The following FBXL17 variants were observed in gnomAD, a reference collection of about 807,000 sequenced individuals.
FBXL17 encodes F-box/LRR-repeat protein 17.
FBXL17 carries 22 observed loss-of-function variants against 66.2 expected under a neutral mutation model. The ratio of observed to expected loss-of-function variants is 0.33; its 90% CI spans 0.24 to 0.47. The LOEUF (loss-of-function observed/expected upper bound fraction) is 0.47. Ranked by LOEUF, FBXL17 falls within the 20% of genes least tolerant of loss-of-function variation. The probability of loss-of-function intolerance (pLI) is 1.00; values close to 1 mark genes in which losing one functional copy is unlikely to be tolerated. For missense variants in FBXL17, 878 were observed against 948.2 expected (o/e 0.93, Z 0.97); for synonymous variants, 474 against 400.5 (o/e 1.18, Z -2.19).
At chr5:108,108,788 T>G (rs902483832) in intron 6 of FBXL17, among the ~76,000 whole-genome samples, 28 of 149,996 alleles carry the variant, frequency 1.9e-4, no homozygotes, top group Non-Finnish European at 3.4e-4. Flanking sequence ...TTGTTTTTGT[T>G]TTTTTTTTTT....
At chr5:108,130,416 C>T (rs905929855) in intron 6 of FBXL17, among the ~76,000 whole-genome samples, 3 of 151,894 alleles carry the variant, frequency 2.0e-5, no homozygotes, top group Admixed American at 1.3e-4. Flanking sequence ...AATTTTAGGA[C>T]ATGCCTCTAA....
chr5:107,945,156 A>C (rs1751240589), intron 7 of FBXL17, among the ~76,000 whole-genome samples: 2 of 152,112 alleles, frequency 1.3e-5, no homozygotes, highest in Admixed American at 1.3e-4. Flanking sequence ...ACACATACCT[A>C]AAAAGGCTCT....
chr5:108,014,906 A>C (rs1754322022), intron 7 of FBXL17, among the ~76,000 whole-genome samples: 1 of 152,184 alleles, frequency 6.6e-6, no homozygotes, highest in Non-Finnish European at 1.5e-5. Context: ...AGCCAAATGA[A>C]CAGGGGAAAC....
At chr5:108,010,062 A>G (rs1754118572) in intron 7 of FBXL17, among the ~76,000 whole-genome samples, 1 of 152,198 alleles carries the variant, frequency 6.6e-6, no homozygotes, top group Non-Finnish European at 1.5e-5. Flanking sequence ...AGTATTTTTC[A>G]AACTTCTGGT....
chr5:108,297,275 A>T (rs1378766908), intron 4 of FBXL17, among the ~76,000 whole-genome samples: 1 of 151,728 alleles, frequency 6.6e-6, no homozygotes, highest in African/African-American at 2.4e-5. Context: ...CTACAACAGT[A>T]AAGGCATTCT....
chr5:107,864,269 G>T (rs1006639407), intron 8 of FBXL17, among the ~76,000 whole-genome samples: 1 of 152,110 alleles, frequency 6.6e-6, no homozygotes, highest in Admixed American at 6.5e-5. Flanking sequence ...ATTCTCTATA[G>T]CATTAATCAA....
At chr5:108,111,189 T>C (rs1238357838) in intron 6 of FBXL17, among the ~76,000 whole-genome samples, 1 of 151,630 alleles carries the variant, frequency 6.6e-6, no homozygotes, top group Non-Finnish European at 1.5e-5. Context: ...GACCCTGCTT[T>C]TCAAAACATG....
At chr5:107,919,100 G>A (rs867749953) in intron 7 of FBXL17, among the ~76,000 whole-genome samples, 1 of 152,030 alleles carries the variant, frequency 6.6e-6, no homozygotes, top group African/African-American at 2.4e-5. Context: ...TCTTTTTAAA[G>A]ACAGATAAAC....
rs527448418 is a variant in FBXL17, at chr5:107,982,027, C to T, written c.1822+38898G>A. Among the ~76,000 whole-genome samples the T allele has an allele frequency of 7.2e-5, 11 of 152,152 alleles. No homozygotes were observed. The East Asian group carries it at 1.2e-3, about 16-fold the overall frequency. On this transcript the variant is annotated intron_variant, in intron 7 of 8. Coordinates refer to ENST00000542267, the MANE Select transcript of FBXL17 (RefSeq NM_001163315.3). ...ACTGTGCAGCATTTCTAATATAATA[C>T]GGAGTCTCAAAGAGTAGGGACCTAA...
chr5:108,301,972 A>C (rs942584595), intron 4 of FBXL17: 54 of 966,072 alleles, frequency 5.6e-5, no homozygotes, highest in Non-Finnish European at 6.3e-5. Context: ...AATTTTAAGA[A>C]TACCTCCTAG....
At chr5:107,879,549 C>T (rs925628069) in intron 8 of FBXL17, 2 of 985,194 alleles carry the variant, frequency 2.0e-6, no homozygotes, top group African/African-American at 3.5e-5. Flanking sequence ...AACTAGCTGG[C>T]AAAGGTCTCG....
chr5:108,085,578 C>A (rs1020435758), intron 6 of FBXL17, among the ~76,000 whole-genome samples: 3 of 152,160 alleles, frequency 2.0e-5, no homozygotes, highest in Non-Finnish European at 4.4e-5. Context: ...CACTGTGTGC[C>A]GTTGGGGCTC....
intron 5 of FBXL17, among the ~76,000 whole-genome samples, chr5:108,197,247 T>A (rs1375235043): frequency 1.3e-5 from 2 of 152,090 alleles, no homozygotes; most frequent in African/African-American, 2.4e-5. Context: ...TTCCCTTCAA[T>A]TAAAAAATAA....
In FBXL17 at chr5:108,294,521, A is replaced by T. The variant is rs922424483; in HGVS notation, c.1506+53878T>A. On this transcript the variant is annotated intron_variant, in intron 4 of 8. Coordinates refer to ENST00000542267, the MANE Select transcript of FBXL17 (RefSeq NM_001163315.3). ...TATGAATTTTTGAGGAGAACTGTCT[A>T]GGTTCAGAAGTTTATATCCCAACAG... is the stretch of plus-strand genomic sequence containing the variant. Among the ~76,000 whole-genome samples the T allele has an allele frequency of 7.9e-5, 12 of 152,120 alleles. No individual in the cohort carries two copies. The South Asian group carries it at 8.3e-4, about 10-fold the overall frequency.
intron 6 of FBXL17, among the ~76,000 whole-genome samples, chr5:108,031,952 T>A (rs1371825351): frequency 1.3e-5 from 2 of 152,148 alleles, no homozygotes; most frequent in Non-Finnish European, 2.9e-5. Context: ...TCCAAGGATT[T>A]TGTGAAGGTT....
intron 7 of FBXL17, among the ~76,000 whole-genome samples, chr5:108,020,396 A>G (rs1754546235): frequency 6.6e-6 from 1 of 151,944 alleles, no homozygotes; most frequent in African/African-American, 2.4e-5. Context: ...ACTTTAAAAG[A>G]ATATTGAAAT....
chr5:108,366,615 A>G, intron 2 of FBXL17, among the ~76,000 whole-genome samples: 1 of 152,060 alleles, frequency 6.6e-6, no homozygotes, highest in East Asian at 1.9e-4. Context: ...GCCTGAGTTC[A>G]TAATAAATAA....
intron 7 of FBXL17, among the ~76,000 whole-genome samples, chr5:108,012,980 T>C (rs1042796387): frequency 3.4e-4 from 47 of 137,386 alleles, no homozygotes; most frequent in East Asian, 2.5e-3. Flanking sequence ...CACCATTGCA[T>C]TCCAGTCTGG....
At chr5:108,209,180 G>A (rs1167542819) in intron 5 of FBXL17, among the ~76,000 whole-genome samples, 3 of 152,184 alleles carry the variant, frequency 2.0e-5, no homozygotes, top group African/African-American at 7.2e-5. Flanking sequence ...AGACTTTGCT[G>A]AACTTGCTTA....
Sources: allele counts gnomAD v4.1 joint callset (sites outside exome capture counted in the v4.1 genomes callset), GRCh38; gene constraint gnomAD v4.1.1; transcripts MANE v1.5; gene names NCBI Gene and HGNC (gene_info 2026-07-23, HGNC 2026-07-21).